Variants in RIBC2 observed in about 807,000 individuals in gnomAD.
The protein encoded by RIBC2 is RIB43A domain with coiled-coils 2.
Under a neutral mutation model 44.3 loss-of-function variants are expected in RIBC2, and 40 were observed. The ratio of observed to expected loss-of-function variants is 0.90; its 90% CI spans 0.70 to 1.18. RIBC2 has a LOEUF of 1.18. Among genes scored for constraint, RIBC2 ranks in the 50% most tolerant of loss-of-function variants. RIBC2 has a pLI of 0.00. For missense variants in RIBC2, 459 were observed against 485.5 expected (o/e 0.95, Z 0.51); for synonymous variants, 171 against 175.0 (o/e 0.98, Z 0.18).
At chr22:45,429,177 C>A (rs1039580476) in intron 5 of RIBC2, among the ~76,000 whole-genome samples, 1 of 152,134 alleles carries the variant, frequency 6.6e-6, no homozygotes, top group Non-Finnish European at 1.5e-5. Flanking sequence ...TCTCCGGACC[C>A]ACAGCATCGG....
intron 2 of RIBC2, 96 bp downstream of exon 2, chr22:45,414,499 TA>T (rs1203068261): frequency 1.5e-4 from 118 of 761,688 alleles, no homozygotes; most frequent in East Asian, 8.9e-4. Context: ...TTTTTTTTTT[TA>T]TTTTTTATTT....
intron 3 of RIBC2, among the ~76,000 whole-genome samples, chr22:45,419,205 A>G (rs1021873890): frequency 6.6e-6 from 1 of 152,200 alleles, no homozygotes; most frequent in Non-Finnish European, 1.5e-5. Context: ...TCTTCCCTGA[A>G]TCCAGACTCA....
At chr22:45,426,521 G>T (rs1053803283) in intron 5 of RIBC2, among the ~76,000 whole-genome samples, 3 of 152,268 alleles carry the variant, frequency 2.0e-5, no homozygotes, top group Non-Finnish European at 2.9e-5. Context: ...TGCCAGACCT[G>T]CTCAGAGAAG....
chr22:45,426,047 G>A lies in RIBC2; in HGVS notation c.775G>A (p.Glu259Lys), dbSNP rs748871098. ...TNLLRGDLLSENPQQAASSFG... is the reference protein window; with the variant it reads ...TNLLRGDLLSKNPQQAASSFG... ...CCTCCTGCGTGGGGACCTGCTCTCC[G>A]AGAACCCGCAGCAGGCAGCCAGCTC... Residue 259 changes from glutamate (E) to lysine (K), a missense_variant, in exon 5 of 7, where the codon GAG becomes AAG. By Grantham distance (56) the Glu-to-Lys change is moderately conservative (BLOSUM62 1). Coordinates refer to ENST00000614167, the MANE Select transcript of RIBC2 (RefSeq NM_015653.5). 21 of 1,613,926 alleles carry A rather than the reference G, an allele frequency of 1.3e-5. No individual in the cohort carries two copies. The highest frequency in any genetic ancestry group is 1.6e-4 in the Middle Eastern group (1 of 6,082).
At chr22:45,414,967 T>C (rs1273575404) in intron 2 of RIBC2, among the ~76,000 whole-genome samples, 2 of 152,090 alleles carry the variant, frequency 1.3e-5, no homozygotes, top group Non-Finnish European at 2.9e-5. Context: ...TCAAGCTGAC[T>C]CAGAGACAGA....
At chr22:45,414,823 A>G (rs916775254) in intron 2 of RIBC2, among the ~76,000 whole-genome samples, 1 of 152,138 alleles carries the variant, frequency 6.6e-6, no homozygotes, top group Non-Finnish European at 1.5e-5. Context: ...TCATTTTCTT[A>G]AAAAACTGGA....
rs117910447 is a variant in RIBC2 at position 45,421,881 on chromosome 22, G to A, written c.557-409G>A. Among the ~76,000 whole-genome samples the A allele has an allele frequency of 2.5e-3, 377 of 152,098 alleles. 2 individuals carry two copies. The highest frequency in any genetic ancestry group is 0.02 in the East Asian group (103 of 5,176). On this transcript the variant is annotated intron_variant, in intron 3 of 6. Coordinates refer to ENST00000614167, the MANE Select transcript of RIBC2 (RefSeq NM_015653.5). ...GTCATCTGGCCCCACTTCCTCCATAGAGTCCTGTCTGGTTTCTTGCTCTTT... is the reference window on the plus strand; with the variant it reads ...GTCATCTGGCCCCACTTCCTCCATAAAGTCCTGTCTGGTTTCTTGCTCTTT...
chr22:45,422,025 T>G (rs2087490385), intron 3 of RIBC2, among the ~76,000 whole-genome samples: 1 of 152,140 alleles, frequency 6.6e-6, no homozygotes, highest in African/African-American at 2.4e-5. Context: ...TCTTGCCCAC[T>G]GTAAGGATGT....
intron 3 of RIBC2, 48 bp from the exon 4 acceptor site, chr22:45,422,242 G>A (rs1216815955): frequency 1.5e-6 from 2 of 1,378,312 alleles, no homozygotes; most frequent in Admixed American, 1.7e-5. Flanking sequence ...CACGTGGGAA[G>A]GTGCTCCTGT....
Position 45,417,947 on chromosome 22 carries a change from G to C in RIBC2, c.556+1G>C, listed in dbSNP as rs1426899859. The C allele has an allele frequency of 7.6e-6, 12 of 1,584,114 alleles. No homozygotes were observed. The highest frequency in any genetic ancestry group is 1.0e-5 in the Non-Finnish European group (12 of 1,163,230). ...GCCCGTGCTGAACAAAAATGCGCAG[G>C]TAATGAAACAGAAGAGACGAGCTGG... On this transcript the variant is annotated splice_donor_variant, in intron 3 of 6. Transcript: ENST00000614167. LOFTEE classifies it high-confidence loss of function.
intron 3 of RIBC2, among the ~76,000 whole-genome samples, chr22:45,419,632 G>A (rs2146877678): frequency 6.6e-6 from 1 of 152,146 alleles, no homozygotes; most frequent in African/African-American, 2.4e-5. Flanking sequence ...TACTCAGGAG[G>A]CTGAGGCAGG....
intron 2 of RIBC2, among the ~76,000 whole-genome samples, chr22:45,416,712 G>A (rs1569206951): frequency 2.0e-5 from 3 of 151,800 alleles, no homozygotes; most frequent in African/African-American, 2.4e-5. Flanking sequence ...CGCCCACCTC[G>A]GCCTCCCAAA....
chr22:45,430,878 G>A, intron 5 of RIBC2, 22 bp from the exon 6 acceptor site: 3 of 1,541,290 alleles, frequency 1.9e-6, no homozygotes, highest in Non-Finnish European at 1.7e-6. Flanking sequence ...AGGTGGTGGT[G>A]AGCCGCCTCT....
intron 5 of RIBC2, among the ~76,000 whole-genome samples, chr22:45,427,783 C>T (rs1337916553): frequency 6.6e-6 from 1 of 152,196 alleles, no homozygotes; most frequent in African/African-American, 2.4e-5. Flanking sequence ...TACAGGCATG[C>T]ACCACCACAC....
chr22:45,429,743 C>G (rs1266210322), intron 5 of RIBC2, among the ~76,000 whole-genome samples: 1 of 152,184 alleles, frequency 6.6e-6, no homozygotes, highest in Non-Finnish European at 1.5e-5. Flanking sequence ...CCTGGACCAT[C>G]TGGCACAGGA....
chr22:45,422,185 A>G, intron 3 of RIBC2, 105 bp from the exon 4 acceptor site: 1 of 768,766 alleles, frequency 1.3e-6, no homozygotes, highest in South Asian at 1.5e-5. Context: ...TCCCGTCCTC[A>G]TGCTCATGGC....
At chr22:45,426,196 T>A in intron 5 of RIBC2, 21 bp downstream of exon 5, 1 of 1,600,418 alleles carries the variant, frequency 6.2e-7, no homozygotes, top group Non-Finnish European at 8.5e-7. Flanking sequence ...CGCCCCTTTT[T>A]CCAGAGCCCA....
intron 4 of RIBC2, among the ~76,000 whole-genome samples, chr22:45,424,145 G>A (rs2087511787): frequency 6.6e-6 from 1 of 152,196 alleles, no homozygotes; most frequent in Non-Finnish European, 1.5e-5. Flanking sequence ...GATGCCACGA[G>A]GCAGCACCAT....
intron 5 of RIBC2, among the ~76,000 whole-genome samples, chr22:45,428,264 A>C (rs1350884981): frequency 6.6e-6 from 1 of 152,248 alleles, no homozygotes; most frequent in African/African-American, 2.4e-5. Flanking sequence ...GAGAACAGGC[A>C]GGAAACGAAT....
Sources: gnomAD v4.1 joint callset for allele counts (sites outside exome capture counted in the v4.1 genomes callset) on GRCh38, gnomAD v4.1.1 for gene constraint, MANE v1.5 for transcripts, NCBI Gene and HGNC (gene_info 2026-07-23, HGNC 2026-07-21) for gene names.